The following AANAT variants were observed in gnomAD, a reference collection of about 807,000 sequenced individuals.
AANAT encodes serotonin N-acetyltransferase.
In AANAT, 11 loss-of-function variants were observed where a neutral mutation model predicts 15.6. The observed-to-expected ratio is 0.71, with a 90% confidence interval of 0.44 to 1.17. AANAT has a LOEUF of 1.17. Among genes scored for constraint, AANAT ranks in the 50% most tolerant of loss-of-function variants. The pLI is 0.00. For synonymous variants in AANAT, 139 were observed against 131.5 expected, an observed-to-expected ratio of 1.06 and a Z score of -0.39; for missense variants, 286 against 296.3, an observed-to-expected ratio of 0.97 and a Z score of 0.26.
At chr17:76,462,929 C>T (rs149927726), upstream of AANAT, among the ~76,000 whole-genome samples, 1 of 152,364 alleles carries the variant, frequency 6.6e-6, no homozygotes, top group African/African-American at 2.4e-5. Context: ...TGGGACATGG[C>T]CATGGGGCCC....
In AANAT at chr17:76,469,802, C is replaced by T. The variant is rs367627497; in HGVS notation, c.456C>T (p.Ala152=). The T allele has an allele frequency of 6.4e-4, 1,022 of 1,601,620 alleles. 21 individuals carry two copies. In the South Asian group the frequency reaches 0.01, roughly 16 times the overall value. Residue 152 remains alanine (A), a synonymous_variant, in exon 4 of 4, where the codon GCC becomes GCT. Coordinates refer to ENST00000392492, the MANE Select transcript of AANAT (RefSeq NM_001088.3). The surrounding 1 kb of genome is among the most constrained non-coding windows in gnomAD (Gnocchi z 5.2). ...RYLHHLGSQP[A]VRRAALMCED... is the part of the protein sequence containing the mutation. ...TGCACCACCTGGGCAGCCAGCCGGC[C>T]GTGCGCCGGGCCGCGCTCATGTGCG...
chr17:76,466,889 G>C (rs1024427959), upstream of AANAT, among the ~76,000 whole-genome samples: 2 of 152,218 alleles, frequency 1.3e-5, no homozygotes, highest in African/African-American at 4.8e-5. Flanking sequence ...CCTCTGCAGG[G>C]GGTCAAAAGA....
rs1167254287 is a variant in AANAT, at chr17:76,469,685, G to A, written c.339G>A (p.Arg113=). 8.6e-6 allele frequency: 13 copies of A among 1,519,566 alleles called. No homozygotes were observed. In the South Asian group the frequency reaches 1.5e-4, roughly 18 times the overall value. The allele number at this position is 1,519,566 out of a possible 1,614,324, so 94.1% of individuals were successfully genotyped here. Residue 113 remains arginine (R), a synonymous_variant, in exon 4 of 4, where the codon AGG becomes AGA. Coordinates refer to ENST00000392492, the MANE Select transcript of AANAT (RefSeq NM_001088.3). The surrounding 1 kb of genome is among the most constrained non-coding windows in gnomAD (Gnocchi z 5.2). Reference sequence around the variant, plus strand: ...CCCAGGAGTCACTGACGCTGCACAGGTCTGGGGGCCACATAGCCCACCTGC... The same window carrying A: ...CCCAGGAGTCACTGACGCTGCACAGATCTGGGGGCCACATAGCCCACCTGC... The part of the protein sequence containing the change: ...RLMQESLTLH[R]SGGHIAHLHV...
In AANAT at chr17:76,469,733, C is replaced by A; in HGVS notation, c.387C>A (p.Ala129=). ...TGCATGTGCTGGCCGTGCACCGCGC[C>A]TTCCGGCAGCAGGGCAGGGGCCCCA... ...AHLHVLAVHR[A]FRQQGRGPIL... The change falls in exon 4 of 4, where the codon GCC becomes GCA. Residue 129 remains alanine, a synonymous_variant. Transcript: ENST00000392492. The surrounding 1 kb of genome is among the most constrained non-coding windows in gnomAD (Gnocchi z 5.2). The A allele has an allele frequency of 6.4e-7, 1 of 1,558,694 alleles. No individual in the cohort carries two copies. Among genetic ancestry groups the A allele is most frequent in the East Asian group, 2.3e-5 (1 of 43,152 alleles).
At chr17:76,461,169 AAAAAAC>A (rs1031671096) in intron 2 of AANAT, among the ~76,000 whole-genome samples, 5 of 151,778 alleles carry the variant, frequency 3.3e-5, no homozygotes, top group African/African-American at 9.7e-5. Context: ...CATCTTAAAA[AAAAAAC>A]AAAAACAAAA....
chr17:76,469,520 T>G lies in AANAT; in HGVS notation c.319-145T>G. Reference sequence around the variant, plus strand: ...TTCTCCATGGGGTTGGGGGTATGGCTCCCAATTTGGGGCCCTCCTTTGCTG... The same window carrying G: ...TTCTCCATGGGGTTGGGGGTATGGCGCCCAATTTGGGGCCCTCCTTTGCTG... On this transcript the variant is annotated intron_variant, in intron 3 of 3. Coordinates refer to ENST00000392492, the MANE Select transcript of AANAT (RefSeq NM_001088.3). This position sits in a 1 kb window ranked among gnomAD's most constrained non-coding sequence, Gnocchi z 5.2. The G allele has an allele frequency of 8.2e-7, 1 of 1,215,048 alleles. No homozygotes were observed. The highest frequency in any genetic ancestry group is 1.1e-6 in the Non-Finnish European group (1 of 900,316). The allele number at this position is 1,215,048 out of a possible 1,614,324, so 75.3% of individuals were successfully genotyped here. A position where few individuals can be genotyped will look rare whatever the true frequency, so the allele number is the denominator to read the frequency against.
intron 1 of AANAT, among the ~76,000 whole-genome samples, chr17:76,458,013 G>A (rs2073355659): frequency 6.6e-6 from 1 of 152,194 alleles, no homozygotes; most frequent in Non-Finnish European, 1.5e-5. Flanking sequence ...TTCAGCCTGG[G>A]AGATAGAGCA....
At chr17:76,458,945 G>A (rs2073363402) in intron 1 of AANAT, among the ~76,000 whole-genome samples, 4 of 152,220 alleles carry the variant, frequency 2.6e-5, no homozygotes. Flanking sequence ...AAATGCCTCC[G>A]AGGCTCCAGC....
Position 76,467,708 on chromosome 17 carries a change from G to A in AANAT, c.-95G>A, listed in dbSNP as rs1198731676. The A allele has an allele frequency of 2.0e-6, 2 of 985,358 alleles. No homozygotes were observed. The highest frequency in any genetic ancestry group is 2.4e-6 in the Non-Finnish European group (2 of 829,958). The allele number at this position is 985,358 out of a possible 1,614,324, so 61.0% of individuals were successfully genotyped here. A position where few individuals can be genotyped will look rare whatever the true frequency, so the allele number is the denominator to read the frequency against. On this transcript the variant is annotated 5_prime_UTR_variant, in exon 1 of 4. Coordinates refer to ENST00000392492, the MANE Select transcript of AANAT (RefSeq NM_001088.3). ...AGCGGCTTTGTGGAGGGAACACTGG[G>A]TATCCTCTCCACAGTCCAGGTAGGT...
upstream of AANAT, among the ~76,000 whole-genome samples, chr17:76,467,153 A>T (rs889506196): frequency 6.6e-6 from 1 of 152,098 alleles, no homozygotes; most frequent in African/African-American, 2.4e-5. Context: ...AATAGCAGAG[A>T]GCTTTGTAGT....
chr17:76,467,438 C>A, upstream of AANAT: 1 of 652,454 alleles, frequency 1.5e-6, no homozygotes, highest in Non-Finnish European at 1.9e-6. Context: ...CCTCAGTCAG[C>A]CTCTGGTAAT....
In AANAT at chr17:76,469,558, T is replaced by G. The variant is rs1023624401; in HGVS notation, c.319-107T>G. The G allele has an allele frequency of 7.5e-7, 1 of 1,330,808 alleles. No homozygotes were observed. The highest frequency in any genetic ancestry group is 9.9e-7 in the Non-Finnish European group (1 of 1,006,176). The allele number at this position is 1,330,808 out of a possible 1,614,324, so 82.4% of individuals were successfully genotyped here. ...CCCTCCTTTGCTGGGGTGGGTGCCC[T>G]GACCACAGGCACCCAGGGGACACCT... On this transcript the variant is annotated intron_variant, in intron 3 of 3. Transcript: ENST00000392492. This position sits in a 1 kb window ranked among gnomAD's most constrained non-coding sequence, Gnocchi z 5.2.
At chr17:76,463,049 G>A (rs770192006), upstream of AANAT, among the ~76,000 whole-genome samples, 1 of 152,178 alleles carries the variant, frequency 6.6e-6, no homozygotes, top group Non-Finnish European at 1.5e-5. Context: ...CCAGATTCCA[G>A]GTCCAGGGCT....
At chr17:76,462,645 G>A (rs1469064025), upstream of AANAT, among the ~76,000 whole-genome samples, 1 of 152,150 alleles carries the variant, frequency 6.6e-6, no homozygotes, top group Non-Finnish European at 1.5e-5. Flanking sequence ...GCCGCACACA[G>A]TTCTCCATCT....
chr17:76,468,584 C>T, intron 1 of AANAT, 88 bp from the exon 2 acceptor site: 4 of 1,220,202 alleles, frequency 3.3e-6, no homozygotes, highest in Non-Finnish European at 4.5e-6. Context: ...ACCCCAGTTC[C>T]TGCTACAAAA....
chr17:76,464,427 T>C (rs773875305), upstream of AANAT, among the ~76,000 whole-genome samples: 1 of 152,034 alleles, frequency 6.6e-6, no homozygotes, highest in Non-Finnish European at 1.5e-5. Context: ...GAAGAGCCTT[T>C]TGGGAGAAAA....
upstream of AANAT, among the ~76,000 whole-genome samples, chr17:76,465,252 A>G (rs2073426686): frequency 6.6e-6 from 1 of 151,940 alleles, no homozygotes; most frequent in South Asian, 2.1e-4. Flanking sequence ...TAGCAGGACA[A>G]GACTGGGCAT....
chr17:76,458,959 A>T (rs1353478807), intron 1 of AANAT, among the ~76,000 whole-genome samples: 2 of 152,230 alleles, frequency 1.3e-5, no homozygotes, highest in Non-Finnish European at 2.9e-5. Context: ...CTCCAGCTGA[A>T]TGCCGCTCAA....
At chr17:76,460,146 T>A (rs1418424841) in intron 2 of AANAT, among the ~76,000 whole-genome samples, 11 of 60,278 alleles carry the variant, frequency 1.8e-4, no homozygotes, top group Non-Finnish European at 4.2e-4. Context: ...TTTTTTTTTT[T>A]TTTTTTTTTT....
Sources: allele counts gnomAD v4.1 joint callset (sites outside exome capture counted in the v4.1 genomes callset), GRCh38; gene constraint gnomAD v4.1.1; non-coding constraint Gnocchi (gnomAD v3.1); transcripts MANE v1.5; gene names NCBI Gene and HGNC (gene_info 2026-07-23, HGNC 2026-07-21).